The following CDC42BPA variants were observed in gnomAD, a reference collection of about 807,000 sequenced individuals.
CDC42BPA encodes the protein CDC42 binding protein kinase alpha.
In CDC42BPA, 80 loss-of-function variants were observed where a neutral mutation model predicts 223.5. The observed-to-expected ratio is 0.36, with a 90% CI of 0.30 to 0.43. CDC42BPA has a LOEUF of 0.43. Ranked by LOEUF, CDC42BPA falls within the 20% of genes least tolerant of loss-of-function variation. The pLI is 1.00. For synonymous variants in CDC42BPA, 694 were observed against 718.6 expected (o/e 0.97, Z 0.55); for missense variants, 1,743 against 2,099.9 (o/e 0.83, Z 3.32).
At chr1:227,227,572 G>C (rs60235610) in intron 2 of CDC42BPA, among the ~76,000 whole-genome samples, 23,542 of 152,184 alleles carry the variant, frequency 0.15, 2,249 homozygotes, top group African/African-American at 0.25. Context: ...TGAGTGAGAT[G>C]AAAGAAACTG....
At chr1:227,273,785 C>G (rs780019479) in intron 1 of CDC42BPA, among the ~76,000 whole-genome samples, 6 of 150,460 alleles carry the variant, frequency 4.0e-5, no homozygotes, top group Non-Finnish European at 7.4e-5. Context: ...CTGTGAAATA[C>G]TGATGACACT....
intron 21 of CDC42BPA, among the ~76,000 whole-genome samples, chr1:227,056,269 C>G (rs1049642185): frequency 3.9e-5 from 6 of 152,098 alleles, no homozygotes; most frequent in Non-Finnish European, 8.8e-5. Flanking sequence ...TAAAAAACAC[C>G]AAGATGTGAT....
intron 5 of CDC42BPA, among the ~76,000 whole-genome samples, chr1:227,193,296 G>A (rs554961253): frequency 1.3e-4 from 19 of 151,942 alleles, no homozygotes; most frequent in Non-Finnish European, 1.8e-4. Context: ...TCCTGACCTC[G>A]TAATCTGCCC....
chr1:227,135,812 C>G (rs1254653933), intron 10 of CDC42BPA, among the ~76,000 whole-genome samples: 2 of 124,982 alleles, frequency 1.6e-5, no homozygotes, highest in African/African-American at 6.1e-5. Context: ...CGAGATCACA[C>G]CACTGCACTC....
chr1:227,038,839 C>T (rs113942719), intron 24 of CDC42BPA, among the ~76,000 whole-genome samples: 13,849 of 152,200 alleles, frequency 0.091, 852 homozygotes, highest in Middle Eastern at 0.16. Context: ...CCAGTCACAG[C>T]AAAAGTGGAC....
intron 21 of CDC42BPA, 76 bp downstream of exon 21, chr1:227,069,701 T>C (rs1292374428): frequency 9.6e-7 from 1 of 1,045,450 alleles, no homozygotes; most frequent in Non-Finnish European, 1.5e-6. Context: ...AAAATGGTTT[T>C]ATTATAAGTG....
At chr1:227,087,867 G>A (rs1682297407) in intron 16 of CDC42BPA, among the ~76,000 whole-genome samples, 3 of 152,104 alleles carry the variant, frequency 2.0e-5, no homozygotes, top group Admixed American at 2.0e-4. Flanking sequence ...AGAGTTGTAT[G>A]TGCAGCATCT....
intron 5 of CDC42BPA, among the ~76,000 whole-genome samples, chr1:227,166,915 G>A (rs1161538290): frequency 6.6e-6 from 1 of 152,140 alleles, no homozygotes; most frequent in Non-Finnish European, 1.5e-5. Context: ...AAGAGAGGAG[G>A]AATAGCAAGA....
intron 2 of CDC42BPA, among the ~76,000 whole-genome samples, chr1:227,215,639 A>G (rs1182281466): frequency 2.6e-5 from 4 of 152,170 alleles, no homozygotes; most frequent in Non-Finnish European, 5.9e-5. Flanking sequence ...TAAGCATTCA[A>G]TAAGTGTTAG....
At chr1:227,080,065 T>C (rs985140869) in intron 17 of CDC42BPA, among the ~76,000 whole-genome samples, 2 of 152,128 alleles carry the variant, frequency 1.3e-5, no homozygotes, top group African/African-American at 4.8e-5. Context: ...GTCTAAAATT[T>C]TCTACTTGTG....
chr1:227,139,852 AC>A, intron 9 of CDC42BPA, 110 bp from the exon 10 acceptor site: 1 of 518,868 alleles, frequency 1.9e-6, no homozygotes, highest in Non-Finnish European at 3.1e-6. Flanking sequence ...TATGGCAAAA[AC>A]ATTTTTAAAT....
intron 21 of CDC42BPA, among the ~76,000 whole-genome samples, chr1:227,059,752 T>A (rs1675408425): frequency 6.6e-6 from 1 of 152,180 alleles, no homozygotes; most frequent in Non-Finnish European, 1.5e-5. Flanking sequence ...TATTTCTGAT[T>A]TAGTGCTGGC....
In CDC42BPA at chr1:226,994,260, G is replaced by C. The variant is rs1403362981; in HGVS notation, c.*8C>G. ...GCGGAGAGCGAGAGGTCCCAGTGCT[G>C]AGGCAGCTCACGGGTCCCAGCTCCC... On this transcript the variant is annotated 3_prime_UTR_variant, in exon 37 of 37. Coordinates refer to ENST00000366766, the MANE Select transcript of CDC42BPA (RefSeq NM_001394014.1). This position sits in a 1 kb window ranked among gnomAD's most constrained non-coding sequence, Gnocchi z 4.0. The C allele has an allele frequency of 1.9e-6, 3 of 1,570,908 alleles. No homozygotes were observed. In the Admixed American group the frequency reaches 5.5e-5, roughly 29 times the overall value.
At chr1:227,063,392 G>C (rs1558409588) in intron 21 of CDC42BPA, among the ~76,000 whole-genome samples, 1 of 152,058 alleles carries the variant, frequency 6.6e-6, no homozygotes, top group Non-Finnish European at 1.5e-5. Flanking sequence ...AATCTCAGGA[G>C]TACATAATTT....
chr1:227,068,231 A>T (rs1033552011), intron 21 of CDC42BPA, among the ~76,000 whole-genome samples: 1 of 151,628 alleles, frequency 6.6e-6, no homozygotes, highest in Non-Finnish European at 1.5e-5. Context: ...ATTAAAAGTA[A>T]TTTTTTTTTA....
Position 227,143,037 on chromosome 1 carries a change from A to G in CDC42BPA, c.1144-13T>C. The G allele has an allele frequency of 6.7e-7, 1 of 1,501,012 alleles. No homozygotes were observed. Among genetic ancestry groups the G allele is most frequent in the Non-Finnish European group, 8.8e-7 (1 of 1,132,270 alleles). 93.0% of individuals were successfully genotyped at this position (1,501,012 alleles called of 1,614,324 possible). A position where few individuals can be genotyped will look rare whatever the true frequency, so the allele number is the denominator to read the frequency against. Reference sequence around the variant, plus strand: ...GGGGCATCGTTTCCTAAAGGAGGAAAAAACATCTGGTAAGAAATAGATAGC... The same window carrying G: ...GGGGCATCGTTTCCTAAAGGAGGAAGAAACATCTGGTAAGAAATAGATAGC... On this transcript the variant is annotated splice_polypyrimidine_tract_variant and intron_variant, in intron 8 of 36. Coordinates refer to ENST00000366766, the MANE Select transcript of CDC42BPA (RefSeq NM_001394014.1).
Position 226,994,801 on chromosome 1 carries a change from C to T in CDC42BPA, c.5133+22G>A, listed in dbSNP as rs749739379. The T allele has an allele frequency of 6.3e-7, 1 of 1,594,696 alleles. No homozygotes were observed. Among genetic ancestry groups the T allele is most frequent in the East Asian group, 2.2e-5 (1 of 44,482 alleles). ...CCCTAGTCTTTCTGATACATGACGT[C>T]TCCGGAACCCTGCCCACTCACCTCT... On this transcript the variant is annotated intron_variant, in intron 36 of 36. Transcript: ENST00000366766. The surrounding 1 kb of genome is among the most constrained non-coding windows in gnomAD (Gnocchi z 4.0).
Position 227,201,579 on chromosome 1 carries a change from C to T in CDC42BPA, c.355-1927G>A, listed in dbSNP as rs1056684491. Among the ~76,000 whole-genome samples the T allele has an allele frequency of 2.6e-5, 4 of 152,198 alleles. No homozygotes were observed. In the South Asian group the frequency reaches 8.3e-4, roughly 32 times the overall value. On this transcript the variant is annotated intron_variant, in intron 3 of 36. Transcript: ENST00000366766. ...GAGTCATGTTCCCATAGTTTCATTGCCCAATTGTTGTGTGCAGAGGTTACC... is the reference window on the plus strand; with the variant it reads ...GAGTCATGTTCCCATAGTTTCATTGTCCAATTGTTGTGTGCAGAGGTTACC...
chr1:227,230,574 T>G (rs73094393), intron 2 of CDC42BPA, among the ~76,000 whole-genome samples: 23,453 of 152,064 alleles, frequency 0.15, 2,224 homozygotes, highest in African/African-American at 0.25. Context: ...GAGACATGAT[T>G]GTTTTTGCTA....
Sources: allele counts gnomAD v4.1 joint callset (sites outside exome capture counted in the v4.1 genomes callset), GRCh38; gene constraint gnomAD v4.1.1; non-coding constraint Gnocchi (gnomAD v3.1); transcripts MANE v1.5; gene names NCBI Gene and HGNC (gene_info 2026-07-23, HGNC 2026-07-21).